The following DPP6 variants were observed in gnomAD, a reference collection of about 807,000 sequenced individuals.
The protein encoded by DPP6 is A-type potassium channel modulatory protein DPP6.
DPP6 carries 69 observed loss-of-function variants against 122.6 expected under a neutral mutation model. The observed-to-expected ratio is 0.56, with a 90% CI of 0.46 to 0.69. DPP6 has a LOEUF of 0.69. Among genes scored for constraint, DPP6 ranks in the 30% least tolerant of loss-of-function variants. The pLI, the probability that DPP6 is intolerant of heterozygous loss-of-function variation, is 0.00. For synonymous variants in DPP6, 418 were observed against 433.1 expected (o/e 0.97, Z 0.43); for missense variants, 928 against 1,116.9 (o/e 0.83, Z 2.41).
chr7:154,569,140 G>A (rs1422717134), intron 5 of DPP6, among the ~76,000 whole-genome samples: 1 of 151,858 alleles, frequency 6.6e-6, no homozygotes, highest in Non-Finnish European at 1.5e-5. Flanking sequence ...AGAATTTGGA[G>A]TTAGATATTA....
chr7:154,147,338 A>G (rs3115155), intron 1 of DPP6, among the ~76,000 whole-genome samples: 105,666 of 150,206 alleles, frequency 0.7, 36,798 homozygotes, highest in Middle Eastern at 0.85. Context: ...GAATACATGC[A>G]TAAACATAAG....
intron 1 of DPP6, among the ~76,000 whole-genome samples, chr7:153,986,046 G>T (rs1483535645): frequency 1.3e-5 from 2 of 152,148 alleles, no homozygotes; most frequent in Non-Finnish European, 2.9e-5. Context: ...TCTTTGATAA[G>T]ATCAGGTGCG....
chr7:154,851,966 A>G (rs1324874037), intron 16 of DPP6, among the ~76,000 whole-genome samples: 1 of 152,150 alleles, frequency 6.6e-6, no homozygotes, highest in East Asian at 1.9e-4. Context: ...GTCCAAGGCC[A>G]GCATGACCCA....
intron 1 of DPP6, among the ~76,000 whole-genome samples, chr7:154,258,708 A>G (rs1162689671): frequency 2.0e-5 from 3 of 152,208 alleles, no homozygotes. Context: ...TAGTTAAGAA[A>G]TATACAGAGT....
chr7:154,020,928 C>G (rs1480595640), intron 1 of DPP6, among the ~76,000 whole-genome samples: 1 of 152,112 alleles, frequency 6.6e-6, no homozygotes, highest in Non-Finnish European at 1.5e-5. Context: ...ATCACTGCCC[C>G]CATTGTGGAG....
intron 1 of DPP6, among the ~76,000 whole-genome samples, chr7:153,987,118 A>G (rs1012413742): frequency 3.9e-5 from 6 of 152,232 alleles, no homozygotes; most frequent in African/African-American, 9.6e-5. Flanking sequence ...AAAAGTTGCA[A>G]TGCACCAAGA....
intron 1 of DPP6, among the ~76,000 whole-genome samples, chr7:154,352,699 G>T (rs968117966): frequency 2.0e-5 from 3 of 152,006 alleles, no homozygotes; most frequent in South Asian, 2.1e-4. Context: ...AGGGGAGGGA[G>T]AACATTAGGA....
the DPP6 span, among the ~76,000 whole-genome samples, chr7:153,820,886 T>C: frequency 6.9e-6 from 1 of 144,638 alleles, no homozygotes; most frequent in Non-Finnish European, 1.5e-5. Context: ...AGGTGATGGA[T>C]TGTGTTTGAA....
chr7:153,984,105 T>TACAC (rs1796727048), intron 1 of DPP6, among the ~76,000 whole-genome samples: 2 of 140,612 alleles, frequency 1.4e-5, no homozygotes, highest in Non-Finnish European at 3.1e-5. Context: ...CACACACACG[T>TACAC]GTCACAAGTG....
intron 1 of DPP6, among the ~76,000 whole-genome samples, chr7:154,426,250 A>G (rs965764282): frequency 2.0e-5 from 3 of 152,218 alleles, no homozygotes; most frequent in Non-Finnish European, 4.4e-5. Flanking sequence ...CAATAAAAAT[A>G]TATTTAAGAA....
chr7:153,771,532 G>A, the DPP6 span, among the ~76,000 whole-genome samples: 1 of 152,070 alleles, frequency 6.6e-6, no homozygotes, highest in Non-Finnish European at 1.5e-5. Flanking sequence ...TAGAGACAAG[G>A]TTTCACCATG....
chr7:154,508,264 C>G (rs1319810732), intron 3 of DPP6, among the ~76,000 whole-genome samples: 3 of 152,098 alleles, frequency 2.0e-5, no homozygotes, highest in Non-Finnish European at 4.4e-5. Flanking sequence ...CATCTCTGCC[C>G]AGACACTACA....
At chr7:154,074,365 A>C (rs965588569) in intron 1 of DPP6, among the ~76,000 whole-genome samples, 17 of 152,034 alleles carry the variant, frequency 1.1e-4, no homozygotes, top group Non-Finnish European at 2.5e-4. Context: ...AAGACTAACC[A>C]AGACAATCAT....
At chr7:154,229,035 T>G (rs975067034) in intron 1 of DPP6, among the ~76,000 whole-genome samples, 3 of 152,156 alleles carry the variant, frequency 2.0e-5, no homozygotes, top group African/African-American at 7.2e-5. Context: ...GTAGGAGCAT[T>G]GTCCTGGTGG....
intron 1 of DPP6, among the ~76,000 whole-genome samples, chr7:154,302,979 T>TTTTGTTTG (rs35973279): frequency 1.3e-5 from 2 of 151,382 alleles, no homozygotes; most frequent in East Asian, 2.0e-4. Context: ...GTTTTAGTTT[T>TTTTGTTTG]TTTGTTTGTT....
chr7:154,576,908 G>T (rs1831718618), intron 5 of DPP6, among the ~76,000 whole-genome samples: 1 of 152,170 alleles, frequency 6.6e-6, no homozygotes, highest in African/African-American at 2.4e-5. Flanking sequence ...GCCAAGAGGA[G>T]CCAGAGGTAG....
At chr7:154,756,780 A>T (rs1345047957) in intron 8 of DPP6, among the ~76,000 whole-genome samples, 1 of 152,102 alleles carries the variant, frequency 6.6e-6, no homozygotes, top group East Asian at 1.9e-4. Context: ...TACTTGATTC[A>T]GCTCGCGAGA....
chr7:154,032,160 A>G (rs1405319465), intron 1 of DPP6, among the ~76,000 whole-genome samples: 3 of 152,014 alleles, frequency 2.0e-5, no homozygotes, highest in African/African-American at 7.3e-5. Flanking sequence ...AGGCATGAGC[A>G]GGAGTCCCAT....
At chr7:154,838,248 G>A (rs1801240697) in intron 16 of DPP6, 1 of 152,240 alleles carries the variant, frequency 6.6e-6, no homozygotes, top group Non-Finnish European at 1.5e-5. Context: ...GAATGTTAGA[G>A]CAGAAAGAAG....
Sources: allele counts gnomAD v4.1 joint callset (sites outside exome capture counted in the v4.1 genomes callset), GRCh38; gene constraint gnomAD v4.1.1; transcripts MANE v1.5; gene names NCBI Gene and HGNC (gene_info 2026-07-23, HGNC 2026-07-21).